KIF1B: variants seen among roughly 807,000 people sequenced by gnomAD.
KIF1B encodes the protein kinesin family member 1B.
In KIF1B, 76 loss-of-function variants were observed where a neutral mutation model predicts 241.9. The observed-to-expected ratio is 0.31, with a 90% CI of 0.26 to 0.38. KIF1B has a LOEUF of 0.38. KIF1B is among the 10% of genes least tolerant of loss of function. The pLI is 1.00. For synonymous variants in KIF1B, 750 were observed against 796.7 expected, an observed-to-expected ratio of 0.94 and a Z score of 0.99; for missense variants, 1,622 against 2,271.4, an observed-to-expected ratio of 0.71 and a Z score of 5.81.
At position 10,374,879 on chromosome 1, in the gene KIF1B, C is replaced by T; in HGVS notation, c.5122C>T (p.Leu1708Phe). 6.2e-7 allele frequency: 1 copy of T among 1,614,092 alleles called. No individual in the cohort carries two copies. The highest frequency in any genetic ancestry group is 8.5e-7 in the Non-Finnish European group (1 of 1,180,006). The change falls in exon 47 of 49, where the codon CTT becomes TTT. Residue 1708 changes from leucine to phenylalanine, a missense_variant. Coordinates refer to ENST00000676179, the MANE Select transcript of KIF1B (RefSeq NM_001365951.3). The surrounding 1 kb of genome is among the most constrained non-coding windows in gnomAD (Gnocchi z 4.3). ...CTCAGTGGTCTCTAAGAAAGGATAC[C>T]TTCATTTCAAGGAGCCTCTTTACAG... ...PSSVVSKKGYLHFKEPLYSNW... is the reference protein window; with the variant it reads ...PSSVVSKKGYFHFKEPLYSNW...
chr1:10,337,614 G>T lies in KIF1B; in HGVS notation c.3422+81G>T. The T allele has an allele frequency of 2.1e-6, 3 of 1,446,518 alleles. No individual in the cohort carries two copies. Among genetic ancestry groups the T allele is most frequent in the South Asian group, 1.2e-5 (1 of 86,802 alleles). 89.6% of individuals were successfully genotyped at this position (1,446,518 alleles called of 1,614,324 possible). A position where few individuals can be genotyped will look rare whatever the true frequency, so the allele number is the denominator to read the frequency against. Reference sequence around the variant, plus strand: ...TTGTGCACTGTAGAGTGCTTTACATGTGTGAGGGATTAACACTCTTGAGAC... The same window carrying T: ...TTGTGCACTGTAGAGTGCTTTACATTTGTGAGGGATTAACACTCTTGAGAC... On this transcript the variant is annotated intron_variant, in intron 31 of 48. Transcript: ENST00000676179. The surrounding 1 kb of genome is among the most constrained non-coding windows in gnomAD (Gnocchi z 4.0).
Position 10,214,683 on chromosome 1 carries a change from A to T in KIF1B, c.-80+3805A>T, listed in dbSNP as rs1240479527. 4.6e-5 allele frequency among the ~76,000 whole-genome samples: 7 copies of T among 151,262 alleles called. No individual in the cohort carries two copies. In the East Asian group the frequency reaches 1.4e-3, roughly 29 times the overall value. ...CTGCAACCTCCACCTCCTGGGTTCAAGTGATTCTCCTGCCTCAGCCTCCCG... is the reference window on the plus strand; with the variant it reads ...CTGCAACCTCCACCTCCTGGGTTCATGTGATTCTCCTGCCTCAGCCTCCCG... On this transcript the variant is annotated intron_variant, in intron 1 of 48. Transcript: ENST00000676179.
At position 10,258,555 on chromosome 1, in the gene KIF1B, C is replaced by T. The variant is rs778486443; in HGVS notation, c.246C>T (p.Leu82=). The part of the protein sequence containing the change: ...RVYNDIGKEM[L]LHAFEGYNVC... ...ACAATGACATTGGCAAGGAAATGCT[C>T]TTACACGCCTTTGAGGGATATAATG... The change falls in exon 4 of 49, where the codon CTC becomes CTT. Residue 82 remains leucine, a synonymous_variant. Transcript: ENST00000676179. 18 of 1,614,014 alleles carry T rather than the reference C, an allele frequency of 1.1e-5. No individual in the cohort carries two copies. The highest frequency in any genetic ancestry group is 1.4e-5 in the Non-Finnish European group (16 of 1,180,022).
chr1:10,267,524 A>C lies in KIF1B; in HGVS notation c.574A>C (p.Ile192Leu). ...SKLAVTSYTD[I>L]ADLMDAGNKA... ...GTTGGCAGTTACTTCCTACACAGAC[A>C]TTGCTGACCTCATGGATGCTGGGAA... Residue 192 changes from isoleucine (I) to leucine (L), a missense_variant, in exon 6 of 49, where the codon ATT becomes CTT. By Grantham distance (5) the Ile-to-Leu change is conservative. This residue lies in a region of KIF1B where 156 missense variants were observed against 244.8 expected (regional missense o/e 0.64). Coordinates refer to ENST00000676179, the MANE Select transcript of KIF1B (RefSeq NM_001365951.3). 6.2e-7 allele frequency: 1 copy of C among 1,614,174 alleles called. No individual in the cohort carries two copies. The highest frequency in any genetic ancestry group is 8.5e-7 in the Non-Finnish European group (1 of 1,180,008).
At chr1:10,300,053 A>C (rs1355517570) in intron 22 of KIF1B, among the ~76,000 whole-genome samples, 2 of 151,936 alleles carry the variant, frequency 1.3e-5, no homozygotes, top group East Asian at 3.9e-4. Context: ...CCTGGCCAAC[A>C]TAGTGAAACC....
chr1:10,248,913 A>G (rs1349221785), intron 2 of KIF1B, among the ~76,000 whole-genome samples: 4 of 152,238 alleles, frequency 2.6e-5, no homozygotes, highest in Admixed American at 2.0e-4. Context: ...GATTGAAGAA[A>G]AGACCTCAGG....
At chr1:10,261,481 A>T (rs1286753751) in intron 4 of KIF1B, among the ~76,000 whole-genome samples, 1 of 152,066 alleles carries the variant, frequency 6.6e-6, no homozygotes, top group Non-Finnish European at 1.5e-5. Flanking sequence ...TGACCTTGTG[A>T]TCTGCCTGCC....
Position 10,303,028 on chromosome 1 carries a change from T to A in KIF1B, c.2115+5782T>A. On this transcript the variant is annotated intron_variant, in intron 22 of 48. Coordinates refer to ENST00000676179, the MANE Select transcript of KIF1B (RefSeq NM_001365951.3). The surrounding 1 kb of genome is among the most constrained non-coding windows in gnomAD (Gnocchi z 5.2). ...AGGGGTTTTTTTTGGTTTTGTTTTG[T>A]TTTTTAGTTTTTTTGGTCTTATTTT... 1 of 1,064,940 alleles carries A rather than the reference T, an allele frequency of 9.4e-7. No individual in the cohort carries two copies. The highest frequency in any genetic ancestry group is 1.6e-5 in the African/African-American group (1 of 62,258). 66.0% of individuals were successfully genotyped at this position (1,064,940 alleles called of 1,614,324 possible).
At chr1:10,314,320 G>A (rs940790366) in intron 22 of KIF1B, among the ~76,000 whole-genome samples, 2 of 151,564 alleles carry the variant, frequency 1.3e-5, no homozygotes, top group Non-Finnish European at 2.9e-5. Context: ...TTAAAAGCTC[G>A]TAAGTAGCCT....
intron 22 of KIF1B, chr1:10,307,669 T>G: frequency 9.8e-7 from 1 of 1,019,264 alleles, no homozygotes; most frequent in South Asian, 4.6e-5. Context: ...CAAAGAGAAA[T>G]GGTCATAATT....
At chr1:10,371,317 A>T (rs1638726922) in intron 45 of KIF1B, 55 bp downstream of exon 45, 5 of 1,601,298 alleles carry the variant, frequency 3.1e-6, no homozygotes, top group Non-Finnish European at 4.3e-6. Context: ...GGTAAATGTC[A>T]ACCTTCCTCT....
chr1:10,340,460 T>C (rs1228385100), intron 32 of KIF1B, among the ~76,000 whole-genome samples: 2 of 152,260 alleles, frequency 1.3e-5, no homozygotes, highest in African/African-American at 2.4e-5. Flanking sequence ...GTCACTGTTC[T>C]GAGAGTTTTT....
chr1:10,374,887 C>T lies in KIF1B; in HGVS notation c.5130C>T (p.Phe1710=), dbSNP rs750816496. The T allele has an allele frequency of 6.2e-7, 1 of 1,601,560 alleles. No homozygotes were observed. The highest frequency in any genetic ancestry group is 8.5e-7 in the Non-Finnish European group (1 of 1,172,764). The part of the protein sequence containing the change: ...SVVSKKGYLH[F]KEPLYSNWAK... The stretch of plus-strand genomic sequence containing the variant: ...TCTCTAAGAAAGGATACCTTCATTT[C>T]AAGGAGCCTCTTTACAGTAACTGGG... Residue 1710 remains phenylalanine, a synonymous_variant, in exon 47 of 49, where the codon TTC becomes TTT. Coordinates refer to ENST00000676179, the MANE Select transcript of KIF1B (RefSeq NM_001365951.3). The surrounding 1 kb of genome is among the most constrained non-coding windows in gnomAD (Gnocchi z 4.3).
chr1:10,368,455 T>C lies in KIF1B; in HGVS notation c.4753-12T>C. 6.2e-7 allele frequency: 1 copy of C among 1,611,426 alleles called. No homozygotes were observed. The highest frequency in any genetic ancestry group is 8.5e-7 in the Non-Finnish European group (1 of 1,177,720). On this transcript the variant is annotated splice_polypyrimidine_tract_variant and intron_variant, in intron 43 of 48. Transcript: ENST00000676179. ...TTTATGTTCAGCTTGCACTTCTCTTTCTCTTCTTTAGTGCCTGCAACTTCT... is the reference window on the plus strand; with the variant it reads ...TTTATGTTCAGCTTGCACTTCTCTTCCTCTTCTTTAGTGCCTGCAACTTCT...
intron 22 of KIF1B, chr1:10,305,861 TAAGAGGCAGTGTG>T (rs1254951591): frequency 9.5e-7 from 1 of 1,052,204 alleles, no homozygotes; most frequent in Non-Finnish European, 1.1e-6. Flanking sequence ...AAAAGTTTTC[TAAGAGGCAGTGTG>T]AAGAGCCAGA....
chr1:10,220,941 G>A (rs767741091), intron 1 of KIF1B, among the ~76,000 whole-genome samples: 6 of 152,080 alleles, frequency 3.9e-5, no homozygotes, highest in Non-Finnish European at 7.3e-5. Context: ...GGGATTACAG[G>A]CATGTGCCAC....
chr1:10,258,107 C>G (rs990012811), intron 3 of KIF1B, among the ~76,000 whole-genome samples: 3 of 152,148 alleles, frequency 2.0e-5, no homozygotes, highest in African/African-American at 7.2e-5. Flanking sequence ...GGAGTGAGTT[C>G]AAAGAAGTAT....
intron 33 of KIF1B, 134 bp from the exon 34 acceptor site, chr1:10,343,098 T>C: frequency 1.1e-6 from 1 of 878,096 alleles, no homozygotes; most frequent in Non-Finnish European, 1.9e-6. Flanking sequence ...CACAGAACTT[T>C]TACGTACATT....
intron 25 of KIF1B, 30 bp downstream of exon 25, chr1:10,324,092 T>A: frequency 6.2e-7 from 1 of 1,609,600 alleles, no homozygotes; most frequent in Non-Finnish European, 8.5e-7. Flanking sequence ...GGCTGGTTGT[T>A]TTATTTAGGA....
Sources: allele counts gnomAD v4.1 joint callset (sites outside exome capture counted in the v4.1 genomes callset), GRCh38; gene constraint gnomAD v4.1.1; regional missense constraint gnomAD v4.1.1; non-coding constraint Gnocchi (gnomAD v3.1); transcripts MANE v1.5; gene names NCBI Gene and HGNC (gene_info 2026-07-23, HGNC 2026-07-21).